MACROD1: variants seen among roughly 807,000 people sequenced by gnomAD.
MACROD1 encodes the protein ADP-ribose glycohydrolase MACROD1.
A neutral mutation model predicts 41.4 loss-of-function variants in MACROD1; 31 were observed. The ratio of observed to expected loss-of-function variants is 0.75; its 90% CI spans 0.56 to 1.01. The LOEUF (loss-of-function observed/expected upper bound fraction) is 1.01, where lower values mean the gene tolerates loss of function less well. MACROD1 is among the 50% of genes least tolerant of loss of function. The pLI, the probability that MACROD1 is intolerant of heterozygous loss-of-function variation, is 0.00. For synonymous variants in MACROD1, 252 were observed against 203.4 expected (o/e 1.24, Z -2.03); for missense variants, 473 against 460.0 (o/e 1.03, Z -0.26).
chr11:64,028,585 C>T (rs1156246673), intron 3 of MACROD1, among the ~76,000 whole-genome samples: 1 of 152,360 alleles, frequency 6.6e-6, no homozygotes, highest in Non-Finnish European at 1.5e-5. Context: ...CCTTTCTGCT[C>T]AGCTCTTTAA....
chr11:64,141,687 A>G (rs1177117056), intron 3 of MACROD1, among the ~76,000 whole-genome samples: 1 of 152,180 alleles, frequency 6.6e-6, no homozygotes, highest in African/African-American at 2.4e-5. Flanking sequence ...TGGACAGCAC[A>G]CCGGGGACGC....
chr11:64,057,577 G>C (rs573452312), intron 3 of MACROD1, among the ~76,000 whole-genome samples: 1 of 152,324 alleles, frequency 6.6e-6, no homozygotes, highest in African/African-American at 2.4e-5. Flanking sequence ...GGCATCCTGA[G>C]GCCATCTGGC....
intron 3 of MACROD1, chr11:64,117,487 G>A: frequency 6.2e-7 from 1 of 1,612,232 alleles, no homozygotes; most frequent in Non-Finnish European, 8.5e-7. Flanking sequence ...ACGCCCCAGG[G>A]TTCCCTGTTT....
chr11:64,052,579 C>T (rs1943714413), intron 3 of MACROD1, among the ~76,000 whole-genome samples: 1 of 152,232 alleles, frequency 6.6e-6, no homozygotes, highest in African/African-American at 2.4e-5. Context: ...ACCCGCTGCT[C>T]TTGGCAGACA....
At chr11:64,163,162 G>A (rs552639663) in intron 1 of MACROD1, among the ~76,000 whole-genome samples, 5 of 148,356 alleles carry the variant, frequency 3.4e-5, no homozygotes, top group East Asian at 2.0e-4. Context: ...AAAATTAGCC[G>A]GGTATAGTGG....
chr11:64,000,167 C>G, intron 5 of MACROD1, 60 bp downstream of exon 5: 1 of 1,384,984 alleles, frequency 7.2e-7, no homozygotes, highest in Non-Finnish European at 1.0e-6. Flanking sequence ...CCCCTGATGT[C>G]CCAGTGACAC....
intron 3 of MACROD1, among the ~76,000 whole-genome samples, chr11:64,043,361 G>T (rs995907092): frequency 6.6e-6 from 1 of 152,244 alleles, no homozygotes; most frequent in Non-Finnish European, 1.5e-5. Context: ...CTGGCAGGAA[G>T]GCTTGTGGGG....
chr11:64,157,575 C>T (rs1251624918), intron 1 of MACROD1, among the ~76,000 whole-genome samples: 13 of 152,194 alleles, frequency 8.5e-5, no homozygotes, highest in Non-Finnish European at 1.9e-4. Flanking sequence ...AAAAGATGTC[C>T]GCAGTAAATT....
chr11:64,165,611 G>A, intron 1 of MACROD1, 86 bp downstream of exon 1: 3 of 1,214,496 alleles, frequency 2.5e-6, no homozygotes, highest in Non-Finnish European at 3.2e-6. Flanking sequence ...GGGTGGAAGG[G>A]GCTGCTCGCT....
intron 3 of MACROD1, among the ~76,000 whole-genome samples, chr11:64,102,450 T>C (rs1944687337): frequency 6.6e-6 from 1 of 152,150 alleles, no homozygotes; most frequent in Non-Finnish European, 1.5e-5. Context: ...TGGTCCTGCT[T>C]CCCATGGTGG....
intron 3 of MACROD1, chr11:64,104,025 C>T (rs1322920206): frequency 6.6e-6 from 1 of 152,348 alleles, no homozygotes; most frequent in African/African-American, 2.4e-5. Flanking sequence ...GTCTGCGTCC[C>T]TAGTGGTGCA....
intron 4 of MACROD1, among the ~76,000 whole-genome samples, chr11:64,006,855 G>T (rs1025212451): frequency 7.2e-5 from 11 of 152,214 alleles, no homozygotes; most frequent in African/African-American, 2.7e-4. Context: ...CATAGGGCGG[G>T]GTGAGGGTGT....
At chr11:64,147,809 C>T (rs1341761006) in intron 3 of MACROD1, among the ~76,000 whole-genome samples, 1 of 151,272 alleles carries the variant, frequency 6.6e-6, no homozygotes, top group Non-Finnish European at 1.5e-5. Context: ...GTGGCACAAC[C>T]ATGGCTCACT....
At chr11:64,016,833 C>G (rs553121116) in intron 3 of MACROD1, among the ~76,000 whole-genome samples, 30 of 152,222 alleles carry the variant, frequency 2.0e-4, no homozygotes, top group African/African-American at 6.5e-4. Context: ...GAGCCGAAGC[C>G]GGAGCTGGAG....
At chr11:64,054,853 T>C (rs1179394787) in intron 3 of MACROD1, among the ~76,000 whole-genome samples, 1 of 152,022 alleles carries the variant, frequency 6.6e-6, no homozygotes, top group Non-Finnish European at 1.5e-5. Context: ...AGCCAGCTTT[T>C]AAGGGAATTC....
intron 3 of MACROD1, among the ~76,000 whole-genome samples, chr11:64,049,003 G>A (rs549685425): frequency 6.6e-6 from 1 of 152,354 alleles, no homozygotes; most frequent in African/African-American, 2.4e-5. Context: ...GAGACAGACT[G>A]GGGTGCCGGC....
intron 3 of MACROD1, among the ~76,000 whole-genome samples, chr11:64,044,643 A>C (rs1035310365): frequency 3.3e-5 from 5 of 152,182 alleles, no homozygotes; most frequent in African/African-American, 4.8e-5. Flanking sequence ...ACACAGAGGA[A>C]GGGGAACCAC....
At position 64,122,423 on chromosome 11, in the gene MACROD1, C is replaced by T. The variant is rs1205300441; in HGVS notation, c.517+28816G>A. ...GAAGATGGCAGCAGCTAGGAGGGGC[C>T]CAACCTGACTCTCCCAAAGCCCAAA... On this transcript the variant is annotated intron_variant, in intron 3 of 10. Transcript: ENST00000255681. This position sits in a 1 kb window ranked among gnomAD's most constrained non-coding sequence, Gnocchi z 4.0. Among the ~76,000 whole-genome samples, 5 of 152,146 alleles carry T rather than the reference C, an allele frequency of 3.3e-5. No homozygotes were observed. Among genetic ancestry groups the T allele is most frequent in the Admixed American group, 3.3e-4 (5 of 15,278 alleles).
chr11:64,164,276 C>T (rs1257419819), intron 1 of MACROD1, among the ~76,000 whole-genome samples: 1 of 152,258 alleles, frequency 6.6e-6, no homozygotes, highest in Non-Finnish European at 1.5e-5. Flanking sequence ...AGTGACAACA[C>T]AGCAGCCCAG....
Sources: gnomAD v4.1 joint callset for allele counts (sites outside exome capture counted in the v4.1 genomes callset) on GRCh38, gnomAD v4.1.1 for gene constraint, Gnocchi (gnomAD v3.1) non-coding constraint, MANE v1.5 for transcripts, NCBI Gene and HGNC (gene_info 2026-07-23, HGNC 2026-07-21) for gene names.